ARHGAP24: variants seen among roughly 807,000 people sequenced by gnomAD.
ARHGAP24 encodes the protein rho GTPase-activating protein 24.
Under a neutral mutation model 76.4 loss-of-function variants are expected in ARHGAP24, and 50 were observed. The ratio of observed to expected loss-of-function variants is 0.65; its 90% CI spans 0.52 to 0.83. The LOEUF (loss-of-function observed/expected upper bound fraction) is 0.83, where lower values mean the gene tolerates loss of function less well. Among genes scored for constraint, ARHGAP24 ranks in the 40% least tolerant of loss-of-function variants. ARHGAP24 has a pLI of 0.00. For missense variants in ARHGAP24, 930 were observed against 914.2 expected (o/e 1.02, Z -0.22); for synonymous variants, 345 against 323.3 (o/e 1.07, Z -0.72).
In ARHGAP24 at chr4:85,521,591, A is replaced by G. The variant is rs958114192; in HGVS notation, c.-21+46032A>G. On this transcript the variant is annotated intron_variant, in intron 1 of 9. Coordinates refer to ENST00000395184, the MANE Select transcript of ARHGAP24 (RefSeq NM_001025616.3). ...CACCTCACCATTGTCATCACAGCTA[A>G]TCCCCAGCCTGCGTGCTGTGACATT... Among the ~76,000 whole-genome samples, 5 of 151,998 alleles carry G rather than the reference A, an allele frequency of 3.3e-5. 1 individual carries two copies. The highest frequency in any genetic ancestry group is 1.2e-4 in the African/African-American group (5 of 41,476).
intron 3 of ARHGAP24, among the ~76,000 whole-genome samples, chr4:85,835,330 C>T (rs941657222): frequency 2.0e-5 from 3 of 151,376 alleles, no homozygotes; most frequent in Non-Finnish European, 4.4e-5. Context: ...GAGGCTGAGG[C>T]GGGCGGATCA....
intron 2 of ARHGAP24, among the ~76,000 whole-genome samples, chr4:85,700,187 G>A (rs1366009249): frequency 1.3e-5 from 2 of 152,072 alleles, no homozygotes; most frequent in Non-Finnish European, 2.9e-5. Flanking sequence ...CTGAGGTCAG[G>A]AGTTTGAGAT....
chr4:85,664,961 G>C (rs1722553610), intron 2 of ARHGAP24, among the ~76,000 whole-genome samples: 1 of 152,012 alleles, frequency 6.6e-6, no homozygotes, highest in African/African-American at 2.4e-5. Flanking sequence ...AATAGGTGTG[G>C]TATGGTGCTG....
At chr4:85,559,931 G>A (rs1726528511) in intron 1 of ARHGAP24, among the ~76,000 whole-genome samples, 1 of 152,092 alleles carries the variant, frequency 6.6e-6, no homozygotes, top group Non-Finnish European at 1.5e-5. Flanking sequence ...GATATCTTCA[G>A]TTCTTAGTTT....
intron 3 of ARHGAP24, among the ~76,000 whole-genome samples, chr4:85,805,833 C>T (rs554733113): frequency 6.6e-6 from 1 of 152,172 alleles, no homozygotes; most frequent in Non-Finnish European, 1.5e-5. Flanking sequence ...TGCCTAAACC[C>T]TTGGCAATTG....
chr4:85,668,983 G>C (rs905530310), intron 2 of ARHGAP24, among the ~76,000 whole-genome samples: 1 of 152,106 alleles, frequency 6.6e-6, no homozygotes, highest in Non-Finnish European at 1.5e-5. Context: ...TAGGTCCTAG[G>C]TTCAGTGGTT....
chr4:85,641,240 G>A (rs368719114), intron 2 of ARHGAP24, among the ~76,000 whole-genome samples: 1 of 152,130 alleles, frequency 6.6e-6, no homozygotes, highest in Non-Finnish European at 1.5e-5. Flanking sequence ...GGACTCAGGT[G>A]TGCAACACCA....
At position 85,915,315 on chromosome 4, in the gene ARHGAP24, A is replaced by C. The variant is rs528862929; in HGVS notation, c.269-8333A>C. On this transcript the variant is annotated intron_variant, in intron 3 of 9. Coordinates refer to ENST00000395184, the MANE Select transcript of ARHGAP24 (RefSeq NM_001025616.3). ...AACTTAGCCTATTTGAGATTTTAAAAGTTTCATAAATCACTGAAAAGTAAA... is the reference window on the plus strand; with the variant it reads ...AACTTAGCCTATTTGAGATTTTAAACGTTTCATAAATCACTGAAAAGTAAA... Among the ~76,000 whole-genome samples the C allele has an allele frequency of 1.2e-3, 188 of 152,366 alleles. 1 individual carries two copies. Among genetic ancestry groups the C allele is most frequent in the Non-Finnish European group, 3.1e-4 (21 of 68,038 alleles).
intron 2 of ARHGAP24, among the ~76,000 whole-genome samples, chr4:85,622,430 C>A (rs1219019008): frequency 6.6e-6 from 1 of 152,022 alleles, no homozygotes; most frequent in Non-Finnish European, 1.5e-5. Context: ...ATGAACTCAT[C>A]ATTTTTTGTG....
intron 1 of ARHGAP24, among the ~76,000 whole-genome samples, chr4:85,559,819 C>T (rs1481782): frequency 0.85 from 128,968 of 152,124 alleles, 56,195 homozygotes; most frequent in East Asian, 0.98. Context: ...TGATAGTTGC[C>T]GTCTTCACTT....
chr4:85,496,192 A>G (rs185964050), intron 1 of ARHGAP24, among the ~76,000 whole-genome samples: 314 of 152,354 alleles, frequency 2.1e-3, no homozygotes, highest in African/African-American at 7.4e-3. Flanking sequence ...GGGAACCATG[A>G]AAAGGAAGAT....
intron 3 of ARHGAP24, among the ~76,000 whole-genome samples, chr4:85,915,514 G>A (rs1735333721): frequency 1.3e-5 from 2 of 152,032 alleles, no homozygotes; most frequent in African/African-American, 2.4e-5. Context: ...GTGGTTTGCC[G>A]CACCCATCAA....
At chr4:85,653,724 A>G (rs1234588473) in intron 2 of ARHGAP24, among the ~76,000 whole-genome samples, 1 of 152,052 alleles carries the variant, frequency 6.6e-6, no homozygotes, top group Non-Finnish European at 1.5e-5. Context: ...ACCTCAAGTG[A>G]TCCACCCACC....
intron 3 of ARHGAP24, among the ~76,000 whole-genome samples, chr4:85,843,917 T>G (rs1432335720): frequency 6.6e-6 from 1 of 152,156 alleles, no homozygotes; most frequent in Admixed American, 6.6e-5. Context: ...TGTATAAAAT[T>G]TTATCACTGA....
chr4:85,857,645 A>G (rs1731660508), intron 3 of ARHGAP24, among the ~76,000 whole-genome samples: 2 of 152,348 alleles, frequency 1.3e-5, no homozygotes, highest in East Asian at 3.9e-4. Context: ...CTTTTCTTAA[A>G]GAAGCAAAAG....
At chr4:85,942,715 T>C (rs1013154998) in intron 5 of ARHGAP24, among the ~76,000 whole-genome samples, 1 of 152,126 alleles carries the variant, frequency 6.6e-6, no homozygotes, top group Non-Finnish European at 1.5e-5. Context: ...TATATAGCTC[T>C]ACTTTAATCT....
intron 1 of ARHGAP24, among the ~76,000 whole-genome samples, chr4:85,485,429 A>T (rs1245796638): frequency 8.1e-6 from 1 of 122,962 alleles, no homozygotes; most frequent in African/African-American, 3.1e-5. Context: ...TTGGATTTTT[A>T]AAATGTAGGC....
Position 85,672,562 on chromosome 4 carries a change from C to T in ARHGAP24, c.181-49323C>T, listed in dbSNP as rs576947424. On this transcript the variant is annotated intron_variant, in intron 2 of 9. Coordinates refer to ENST00000395184, the MANE Select transcript of ARHGAP24 (RefSeq NM_001025616.3). ...AGTTAAGGCAGAATCTTCCCATTAC[C>T]AGCGTGATTATTACTCTTCATCAGC... 3.7e-4 allele frequency among the ~76,000 whole-genome samples: 57 copies of T among 152,274 alleles called. 1 individual carries two copies. In the East Asian group the frequency reaches 8.3e-3, roughly 22 times the overall value.
chr4:85,587,940 CA>C (rs1727927547), intron 2 of ARHGAP24, among the ~76,000 whole-genome samples: 1 of 152,054 alleles, frequency 6.6e-6, no homozygotes, highest in Non-Finnish European at 1.5e-5. Flanking sequence ...AATACTGGTG[CA>C]GTGGTGGTCA....
Sources: allele counts gnomAD v4.1 joint callset (sites outside exome capture counted in the v4.1 genomes callset), GRCh38; gene constraint gnomAD v4.1.1; transcripts MANE v1.5; gene names NCBI Gene and HGNC (gene_info 2026-07-23, HGNC 2026-07-21).